Variants in ZAN observed in about 807,000 individuals in gnomAD.
ZAN encodes the protein zonadhesin (gene/pseudogene).
Under a neutral mutation model 286.2 loss-of-function variants are expected in ZAN, and 260 were observed. That is an observed-to-expected ratio of 0.91 (90% CI 0.82 to 1.01). The LOEUF is 1.01. Among genes scored for constraint, ZAN ranks in the 50% least tolerant of loss-of-function variants. The pLI, the probability that ZAN is intolerant of heterozygous loss-of-function variation, is 0.00. For missense variants in ZAN, 3,410 were observed against 3,639.2 expected (o/e 0.94, Z 1.62); for synonymous variants, 1,368 against 1,417.5 (o/e 0.97, Z 0.79).
chr7:100,771,768 C>T, intron 28 of ZAN, 76 bp from the exon 29 acceptor site: 1 of 1,462,234 alleles, frequency 6.8e-7, no homozygotes, highest in Non-Finnish European at 9.2e-7. Context: ...GATGTCGAAT[C>T]AGCCCCAGGG....
intron 11 of ZAN, among the ~76,000 whole-genome samples, chr7:100,750,405 G>A (rs1466174068): frequency 6.6e-6 from 1 of 152,156 alleles, no homozygotes; most frequent in Non-Finnish European, 1.5e-5. Flanking sequence ...AAAGTGCTGG[G>A]ATTACAGGCA....
chr7:100,773,655 C>G, intron 30 of ZAN, 66 bp from the exon 31 acceptor site: 1 of 1,566,434 alleles, frequency 6.4e-7, no homozygotes, highest in Non-Finnish European at 8.7e-7. Context: ...CCAGCTTCAA[C>G]TGGGGCGTTG....
chr7:100,768,023 G>A lies in ZAN; in HGVS notation c.5041+12G>A. 6.2e-7 allele frequency: 1 copy of A among 1,604,914 alleles called. No homozygotes were observed. Among genetic ancestry groups the A allele is most frequent in the Non-Finnish European group, 8.5e-7 (1 of 1,175,334 alleles). On this transcript the variant is annotated intron_variant, in intron 26 of 47. Transcript: ENST00000613979. The stretch of plus-strand genomic sequence containing the variant: ...CTGTGGGCTGTGTGGTGAGTTTCCT[G>A]GGCACCTGCGGGGAAAGCTGGGACA...
intron 42 of ZAN, among the ~76,000 whole-genome samples, chr7:100,792,884 G>A (rs974738895): frequency 6.6e-6 from 1 of 151,052 alleles, no homozygotes; most frequent in Admixed American, 6.6e-5. Context: ...GGTTGAGGCT[G>A]GAGGATGGCT....
chr7:100,755,337 G>C lies in ZAN; in HGVS notation c.3236G>C (p.Gly1079Ala), dbSNP rs1418706171. The C allele has an allele frequency of 3.1e-6, 5 of 1,613,840 alleles. No homozygotes were observed. Among genetic ancestry groups the C allele is most frequent in the Non-Finnish European group, 4.2e-6 (5 of 1,179,874 alleles). Residue 1079 changes from glycine to alanine, a missense_variant, in exon 15 of 48, where the codon GGC becomes GCC. Gly to Ala is a moderately conservative substitution (Grantham distance 60, BLOSUM62 0). Around this residue, in one of 7 missense-constraint regions of ZAN, gnomAD observed 1,042 missense variants for 1,058.0 expected, o/e 0.98. Transcript: ENST00000613979. ...CGGGAGGGCTGTGTCTGCAACCCTGGCTTTTTGTTTAGTGACAACCACTGC... is the reference window on the plus strand; with the variant it reads ...CGGGAGGGCTGTGTCTGCAACCCTGCCTTTTTGTTTAGTGACAACCACTGC... The part of the protein sequence containing the change: ...LCREGCVCNP[G>A]FLFSDNHCIQ...
rs763492423 is a variant in ZAN, at chr7:100,737,231, A to T, written c.526-31A>T. On this transcript the variant is annotated intron_variant, in intron 5 of 47. Transcript: ENST00000613979. Reference sequence around the variant, plus strand: ...GCCAGGAGGCCTGGCTGAGGGGCTCATGGGGTTGGGGTCCCCTTATCCTCT... The same window carrying T: ...GCCAGGAGGCCTGGCTGAGGGGCTCTTGGGGTTGGGGTCCCCTTATCCTCT... The T allele has an allele frequency of 4.9e-6, 7 of 1,441,190 alleles. 2 individuals carry two copies. Among genetic ancestry groups the T allele is most frequent in the Non-Finnish European group, 6.6e-6 (7 of 1,055,354 alleles). The allele number at this position is 1,441,190 out of a possible 1,614,324, so 89.3% of individuals were successfully genotyped here.
chr7:100,773,734 G>C lies in ZAN; in HGVS notation c.5648G>C (p.Trp1883Ser). ...AGSYHPVGER[W>S]YTENTCTRLC... ...TGTGGCCCACAGGTCGGGGAGCGCT[G>C]GTACACAGAGAACACCTGCACCAGG... Residue 1883 changes from tryptophan to serine, a missense_variant, in exon 31 of 48, where the codon TGG becomes TCG. Transcript: ENST00000613979. The C allele has an allele frequency of 1.9e-6, 3 of 1,610,274 alleles. No individual in the cohort carries two copies. Among genetic ancestry groups the C allele is most frequent in the Non-Finnish European group, 2.5e-6 (3 of 1,178,228 alleles).
chr7:100,773,907 G>C (rs1178208938), intron 31 of ZAN, 42 bp downstream of exon 31: 1 of 1,569,582 alleles, frequency 6.4e-7, no homozygotes, highest in Non-Finnish European at 8.6e-7. Flanking sequence ...CAGCCCTGAG[G>C]CCCACTCTCC....
chr7:100,775,933 G>A (rs911087849), intron 33 of ZAN, 100 bp downstream of exon 33: 2 of 1,469,974 alleles, frequency 1.4e-6, no homozygotes, highest in African/African-American at 2.8e-5. Context: ...CCTGCCCAAA[G>A]AGGCCACTCC....
chr7:100,768,370 G>T (rs1810143719), intron 26 of ZAN, among the ~76,000 whole-genome samples: 1 of 152,196 alleles, frequency 6.6e-6, no homozygotes, highest in Non-Finnish European at 1.5e-5. Context: ...TATTTGGGAG[G>T]CTGACGCGGG....
rs932611722 is a variant in ZAN, at chr7:100,752,027, C to T, written c.1922C>T (p.Thr641Ile). 1.9e-5 allele frequency: 31 copies of T among 1,613,080 alleles called. No homozygotes were observed. Among genetic ancestry groups the T allele is most frequent in the Non-Finnish European group, 2.5e-5 (30 of 1,179,772 alleles). The change falls in exon 14 of 48, where the codon ACC becomes ATC. Residue 641 changes from threonine (T) to isoleucine (I), a missense_variant. Physicochemically the swap from Thr to Ile is moderately conservative, Grantham distance 89. Transcript: ENST00000613979. ...CCCACCATTCCCTCAGAAAAACCCA[C>T]CATTCCCTCAGAAAAACCCACCATT... ...EKPTIPSEKPTIPSEKPTIST... is the reference protein window; with the variant it reads ...EKPTIPSEKPIIPSEKPTIST...
intron 7 of ZAN, among the ~76,000 whole-genome samples, chr7:100,740,008 C>T (rs1446421989): frequency 7.1e-6 from 1 of 141,438 alleles, no homozygotes; most frequent in Non-Finnish European, 1.6e-5. Context: ...ATTCAGGACA[C>T]ATTTGAGCAC....
rs200413422 is a variant in ZAN at position 100,764,099 on chromosome 7, G to T, written c.4170G>T (p.Gly1390=). The change falls in exon 22 of 48, where the codon GGG becomes GGT. Residue 1390 remains glycine (G), a synonymous_variant. Transcript: ENST00000613979. ...TGCTTGATATGTGCGGATTCCAGGG[G>T]CTGCAGCACCTGCTGTGCACACACA... ...SCMLDMCGFQ[G]LQHLLCTHMS... is the part of the protein sequence containing the mutation. The T allele has an allele frequency of 2.4e-5, 38 of 1,613,396 alleles. No homozygotes were observed. Among genetic ancestry groups the T allele is most frequent in the Non-Finnish European group, 3.1e-5 (36 of 1,179,760 alleles).
In ZAN at chr7:100,760,497, G is replaced by A. The variant is rs370738049; in HGVS notation, c.3803G>A (p.Arg1268Lys). Residue 1268 changes from arginine to lysine, a missense_variant, in exon 19 of 48, where the codon AGA (arginine) becomes AAA (lysine). Arg to Lys is a conservative substitution (Grantham distance 26, BLOSUM62 2). Transcript: ENST00000613979. ...CAGACGGAGTTCGGTTTGCGGGTGAGATGGGATGGTGACCAGCAGCTGTAT... is the reference window on the plus strand; with the variant it reads ...CAGACGGAGTTCGGTTTGCGGGTGAAATGGGATGGTGACCAGCAGCTGTAT... ...ELQTEFGLRV[R>K]WDGDQQLYVT... 279 of 1,613,868 alleles carry A rather than the reference G, an allele frequency of 1.7e-4. No individual in the cohort carries two copies. Among genetic ancestry groups the A allele is most frequent in the Admixed American group, 4.3e-4 (26 of 59,982 alleles).
At chr7:100,762,138 T>C (rs1809626409) in intron 19 of ZAN, 77 bp from the exon 20 acceptor site, 4 of 1,582,932 alleles carry the variant, frequency 2.5e-6, no homozygotes, top group Non-Finnish European at 3.5e-6. Context: ...CCCAGCTCCT[T>C]GCCTTCTCTG....
chr7:100,789,456 G>A, intron 39 of ZAN, 109 bp downstream of exon 39: 4 of 1,512,262 alleles, frequency 2.6e-6, no homozygotes, highest in Non-Finnish European at 3.6e-6. Context: ...CCCGGTAGTG[G>A]GGCACCCAGC....
chr7:100,760,348 A>AC (rs750134573), intron 18 of ZAN, 43 bp from the exon 19 acceptor site: 1 of 1,600,662 alleles, frequency 6.2e-7, no homozygotes, highest in Non-Finnish European at 8.5e-7. Flanking sequence ...GTCCTCCTTG[A>AC]CCCCCAGCTC....
At chr7:100,781,132 A>C (rs1365428147) in intron 35 of ZAN, among the ~76,000 whole-genome samples, 1 of 151,964 alleles carries the variant, frequency 6.6e-6, no homozygotes, top group African/African-American at 2.4e-5. Context: ...CAGTGGTGTG[A>C]CCTTGGCTCA....
At chr7:100,766,707 G>A (rs908862704) in intron 24 of ZAN, 41 bp downstream of exon 24, 7 of 1,541,690 alleles carry the variant, frequency 4.5e-6, no homozygotes, top group Non-Finnish European at 6.1e-6. Context: ...GGCTGCCCAG[G>A]CAACACCAGG....
Sources: allele counts gnomAD v4.1 joint callset (sites outside exome capture counted in the v4.1 genomes callset), GRCh38; gene constraint gnomAD v4.1.1; regional missense constraint gnomAD v4.1.1; transcripts MANE v1.5; gene names NCBI Gene and HGNC (gene_info 2026-07-23, HGNC 2026-07-21).